TRIM2: variants seen among roughly 807,000 people sequenced by gnomAD.
The protein encoded by TRIM2 is tripartite motif containing 2.
A neutral mutation model predicts 75.2 loss-of-function variants in TRIM2; 20 were observed. The observed-to-expected ratio is 0.27, with a 90% CI of 0.19 to 0.39. The LOEUF is 0.39. Ranked by LOEUF, TRIM2 falls within the 10% of genes least tolerant of loss-of-function variation. TRIM2 has a pLI of 1.00. For synonymous variants in TRIM2, 373 were observed against 388.3 expected, an observed-to-expected ratio of 0.96 and a Z score of 0.46; for missense variants, 660 against 990.8, an observed-to-expected ratio of 0.67 and a Z score of 4.48.
intron 1 of TRIM2, among the ~76,000 whole-genome samples, chr4:153,255,249 G>GGAAT (rs1419948568): frequency 1.3e-5 from 2 of 152,154 alleles, no homozygotes; most frequent in Non-Finnish European, 2.9e-5. Context: ...AGTCTTCATT[G>GGAAT]GAATGAATGA....
intron 1 of TRIM2, among the ~76,000 whole-genome samples, chr4:153,227,881 C>T (rs1270811233): frequency 6.6e-6 from 1 of 152,132 alleles, no homozygotes; most frequent in Non-Finnish European, 1.5e-5. Flanking sequence ...GTACTCTCCT[C>T]GGTATTGGCT....
intron 1 of TRIM2, among the ~76,000 whole-genome samples, chr4:153,219,386 T>C (rs1327753659): frequency 6.6e-6 from 1 of 152,212 alleles, no homozygotes; most frequent in Non-Finnish European, 1.5e-5. Flanking sequence ...GAACTTTATC[T>C]GTGAAGCCCT....
intron 1 of TRIM2, among the ~76,000 whole-genome samples, chr4:153,228,268 A>G (rs1223556088): frequency 6.6e-6 from 1 of 152,082 alleles, no homozygotes; most frequent in African/African-American, 2.4e-5. Flanking sequence ...TCACCACCCA[A>G]ATCCTGGCCC....
chr4:153,235,877 T>G (rs1420424352), intron 1 of TRIM2, among the ~76,000 whole-genome samples: 1 of 152,142 alleles, frequency 6.6e-6, no homozygotes, highest in Non-Finnish European at 1.5e-5. Context: ...GCCAACATCC[T>G]GTGCTCACCT....
chr4:153,213,951 A>G (rs1737771626), intron 1 of TRIM2, among the ~76,000 whole-genome samples: 2 of 151,932 alleles, frequency 1.3e-5, no homozygotes, highest in African/African-American at 2.4e-5. Flanking sequence ...AGATTGCACA[A>G]TTAGAAAGTG....
At chr4:153,231,383 T>C (rs372796543) in intron 1 of TRIM2, among the ~76,000 whole-genome samples, 102 of 152,014 alleles carry the variant, frequency 6.7e-4, no homozygotes, top group African/African-American at 2.3e-3. Flanking sequence ...GATAATATAA[T>C]TGAGGAAGAG....
At chr4:153,314,442 A>AAG (rs1474472774) in intron 6 of TRIM2, among the ~76,000 whole-genome samples, 1 of 149,894 alleles carries the variant, frequency 6.7e-6, no homozygotes, top group Non-Finnish European at 1.5e-5. Flanking sequence ...AAAAAAAAAA[A>AAG]AGAGAGTCTA....
At chr4:153,244,711 T>A (rs1180380643) in intron 1 of TRIM2, among the ~76,000 whole-genome samples, 1 of 152,120 alleles carries the variant, frequency 6.6e-6, no homozygotes, top group East Asian at 1.9e-4. Context: ...GAGAAAGAAT[T>A]TCTGGCCTGC....
Position 153,315,388 on chromosome 4 carries a change from T to A in TRIM2, c.1511-97T>A, listed in dbSNP as rs551051330. The A allele has an allele frequency of 5.1e-6, 5 of 978,392 alleles. No individual in the cohort carries two copies. The East Asian group carries it at 1.3e-4, about 26-fold the overall frequency. 60.6% of individuals were successfully genotyped at this position (978,392 alleles called of 1,614,324 possible). On this transcript the variant is annotated intron_variant, in intron 6 of 11. Coordinates refer to ENST00000338700, the MANE Select transcript of TRIM2 (RefSeq NM_015271.5). ...TAAAGTATATTTAAAAACAATGCAT[T>A]CTCAGGTACCTGTGGAAATCTGAAT... is the stretch of plus-strand genomic sequence containing the variant.
chr4:153,304,533 C>T (rs534262646), intron 6 of TRIM2, among the ~76,000 whole-genome samples: 3 of 152,096 alleles, frequency 2.0e-5, no homozygotes, highest in African/African-American at 7.2e-5. Context: ...AAGTGAGAAA[C>T]TGAGTAGTTT....
At chr4:153,286,929 G>A (rs550151868) in intron 3 of TRIM2, among the ~76,000 whole-genome samples, 11 of 151,702 alleles carry the variant, frequency 7.3e-5, no homozygotes, top group African/African-American at 2.7e-4. Flanking sequence ...GTTACAGTTT[G>A]CATGAAATAT....
At chr4:153,175,749 G>A (rs1012323156) in intron 1 of TRIM2, among the ~76,000 whole-genome samples, 2 of 152,170 alleles carry the variant, frequency 1.3e-5, no homozygotes, top group South Asian at 2.1e-4. Flanking sequence ...ATCCTGGACT[G>A]GAAAGGACAT....
intron 1 of TRIM2, among the ~76,000 whole-genome samples, chr4:153,219,844 G>A (rs898395854): frequency 3.9e-5 from 6 of 152,072 alleles, no homozygotes; most frequent in South Asian, 2.1e-4. Context: ...CCCTAGCTTC[G>A]GTGACAGAGT....
At chr4:153,212,592 G>A (rs145635395) in intron 1 of TRIM2, among the ~76,000 whole-genome samples, 22 of 152,248 alleles carry the variant, frequency 1.4e-4, no homozygotes, top group Non-Finnish European at 2.4e-4. Flanking sequence ...CTGAGAGTTC[G>A]AGGCAGTGAG....
At chr4:153,179,307 AAAAT>A (rs1731803237) in intron 1 of TRIM2, among the ~76,000 whole-genome samples, 1 of 149,950 alleles carries the variant, frequency 6.7e-6, no homozygotes, top group Admixed American at 6.7e-5. Flanking sequence ...AATTTATGTT[AAAAT>A]AAATTTTAAA....
intron 3 of TRIM2, among the ~76,000 whole-genome samples, chr4:153,286,777 TCTCA>T (rs1037098355): frequency 1.1e-4 from 11 of 98,862 alleles, no homozygotes; most frequent in African/African-American, 4.1e-4. Context: ...CCCCCCACCA[TCTCA>T]CTCTCTCTCT....
chr4:153,152,414 A>G (rs1560769686), upstream of TRIM2: 4 of 143,500 alleles, frequency 2.8e-5, no homozygotes, highest in African/African-American at 1.0e-4. Flanking sequence ...GTGTGTATAT[A>G]TATATATATA....
Position 153,248,405 on chromosome 4 carries a change from G to A in TRIM2, c.31-21930G>A, listed in dbSNP as rs1749895188. Among the ~76,000 whole-genome samples the A allele has an allele frequency of 1.3e-5, 2 of 152,218 alleles. No individual in the cohort carries two copies. The highest frequency in any genetic ancestry group is 2.4e-5 in the African/African-American group (1 of 41,456). ...ACACTTGAGGTAATTGAGGAATACAGGTTAAATTACTTACCCAGGGTTATA... is the reference window on the plus strand; with the variant it reads ...ACACTTGAGGTAATTGAGGAATACAAGTTAAATTACTTACCCAGGGTTATA... On this transcript the variant is annotated intron_variant, in intron 1 of 11. Coordinates refer to ENST00000338700, the MANE Select transcript of TRIM2 (RefSeq NM_015271.5). The surrounding 1 kb of genome is among the most constrained non-coding windows in gnomAD (Gnocchi z 4.0).
chr4:153,298,013 T>G (rs960573578), intron 6 of TRIM2, among the ~76,000 whole-genome samples: 1 of 152,148 alleles, frequency 6.6e-6, no homozygotes, highest in African/African-American at 2.4e-5. Flanking sequence ...AAGAGACATG[T>G]CTTTCAGGAG....
Sources: gnomAD v4.1 joint callset for allele counts (sites outside exome capture counted in the v4.1 genomes callset) on GRCh38, gnomAD v4.1.1 for gene constraint, Gnocchi (gnomAD v3.1) non-coding constraint, MANE v1.5 for transcripts, NCBI Gene and HGNC (gene_info 2026-07-23, HGNC 2026-07-21) for gene names.